The following GRM7 variants were observed in gnomAD, a reference collection of about 807,000 sequenced individuals.
GRM7 encodes the protein glutamate metabotropic receptor 7, also known as metabotropic glutamate receptor 7.
A neutral mutation model predicts 84.5 loss-of-function variants in GRM7; 35 were observed. The observed-to-expected ratio is 0.41, with a 90% CI of 0.32 to 0.55. The LOEUF (loss-of-function observed/expected upper bound fraction) is 0.55. Ranked by LOEUF, GRM7 falls within the 20% of genes least tolerant of loss-of-function variation. The probability of loss-of-function intolerance (pLI) is 0.19; values close to 1 mark genes in which losing one functional copy is unlikely to be tolerated. For missense variants in GRM7, 1,003 were observed against 1,194.6 expected, an observed-to-expected ratio of 0.84 and a Z score of 2.36; for synonymous variants, 487 against 455.1, an observed-to-expected ratio of 1.07 and a Z score of -0.89.
At chr3:7,095,388 T>C (rs1323613541) in intron 1 of GRM7, among the ~76,000 whole-genome samples, 1 of 152,128 alleles carries the variant, frequency 6.6e-6, no homozygotes, top group Non-Finnish European at 1.5e-5. Flanking sequence ...CAGTGAGCAA[T>C]TCATCACTTA....
At chr3:7,156,575 G>A (rs1398525895) in intron 2 of GRM7, among the ~76,000 whole-genome samples, 6 of 152,052 alleles carry the variant, frequency 3.9e-5, no homozygotes, top group South Asian at 2.1e-4. Context: ...CAGGGAGAAC[G>A]CATCCCCATA....
chr3:7,135,053 C>A (rs950594930), intron 1 of GRM7, among the ~76,000 whole-genome samples: 1 of 152,058 alleles, frequency 6.6e-6, no homozygotes, highest in Non-Finnish European at 1.5e-5. Flanking sequence ...AAAAGAGTTG[C>A]AATAATTGAT....
At chr3:7,135,629 T>A (rs1370111437) in intron 1 of GRM7, among the ~76,000 whole-genome samples, 1 of 152,044 alleles carries the variant, frequency 6.6e-6, no homozygotes, top group Non-Finnish European at 1.5e-5. Context: ...CTGTCCTTGC[T>A]ACAGGCAATG....
chr3:7,661,794 C>CAAAAAAAAAAAAAAAAAA lies in GRM7; in HGVS notation c.2452-18246_2452-18229dup, dbSNP rs71043686. 3.5e-3 allele frequency among the ~76,000 whole-genome samples: 100 copies of CAAAAAAAAAAAAAAAAAA among 28,198 alleles called. 11 individuals carry two copies. Among genetic ancestry groups the CAAAAAAAAAAAAAAAAAA allele is most frequent in the African/African-American group, 0.01 (68 of 6,632 alleles). The allele number at this position is 28,198 out of a possible 152,430, so 18.5% of individuals were successfully genotyped here. On this transcript the variant is annotated intron_variant, in intron 8 of 9. Transcript: ENST00000357716. Reference sequence around the variant, plus strand: ...GGGCCACAGAGCGAGGTCTCCGTCTCAAAAAAAAAAAAAAAAAAAAAAAAA... The same window carrying CAAAAAAAAAAAAAAAAAA: ...GGGCCACAGAGCGAGGTCTCCGTCTCAAAAAAAAAAAAAAAAAAAAAAAAAAAAAAAAAAAAAAAAAAA...
At chr3:7,109,465 C>A (rs761615608) in intron 1 of GRM7, among the ~76,000 whole-genome samples, 5 of 152,140 alleles carry the variant, frequency 3.3e-5, no homozygotes, top group African/African-American at 4.8e-5. Flanking sequence ...TTAGTTAATT[C>A]TCACCATTTT....
intron 5 of GRM7, among the ~76,000 whole-genome samples, 166 bp from the exon 6 acceptor site, chr3:7,452,441 C>T (rs1234826268): frequency 6.6e-6 from 1 of 152,162 alleles, no homozygotes; most frequent in Non-Finnish European, 1.5e-5. Context: ...TGGATACCAA[C>T]TGGCTATCAC....
At chr3:7,173,397 C>T (rs1375919972) in intron 2 of GRM7, among the ~76,000 whole-genome samples, 1 of 152,108 alleles carries the variant, frequency 6.6e-6, no homozygotes, top group Non-Finnish European at 1.5e-5. Flanking sequence ...TCCGGCTCCA[C>T]CCCATCCCTC....
At chr3:7,186,596 C>A (rs913811619) in intron 2 of GRM7, among the ~76,000 whole-genome samples, 8 of 152,116 alleles carry the variant, frequency 5.3e-5, no homozygotes, top group African/African-American at 1.9e-4. Context: ...AACTGATTCC[C>A]TGTTTTTATC....
At chr3:7,414,497 T>C (rs1028635193) in intron 4 of GRM7, among the ~76,000 whole-genome samples, 1 of 152,160 alleles carries the variant, frequency 6.6e-6, no homozygotes, top group African/African-American at 2.4e-5. Flanking sequence ...AGTCACACTG[T>C]CCTAAAGAGG....
chr3:6,982,476 A>G (rs1047379915), intron 1 of GRM7, among the ~76,000 whole-genome samples: 5 of 152,318 alleles, frequency 3.3e-5, no homozygotes, highest in African/African-American at 9.6e-5. Context: ...ATCAATTATG[A>G]GACACATAGG....
chr3:7,692,485 A>G (rs1338058026), intron 9 of GRM7, among the ~76,000 whole-genome samples: 1 of 152,118 alleles, frequency 6.6e-6, no homozygotes, highest in Non-Finnish European at 1.5e-5. Context: ...TTTGGCTTTT[A>G]TTGCACTTAT....
At chr3:7,560,765 C>T (rs998194636) in intron 7 of GRM7, among the ~76,000 whole-genome samples, 14 of 152,066 alleles carry the variant, frequency 9.2e-5, no homozygotes, top group Admixed American at 7.2e-4. Flanking sequence ...ACCTTTGCTA[C>T]TTCTCTCATC....
intron 1 of GRM7, among the ~76,000 whole-genome samples, chr3:7,008,361 T>C (rs1297241595): frequency 6.6e-6 from 1 of 152,208 alleles, no homozygotes; most frequent in African/African-American, 2.4e-5. Context: ...AAGGAAATTA[T>C]TTGGCATTCA....
intron 9 of GRM7, among the ~76,000 whole-genome samples, chr3:7,708,602 T>TGAAGAGCGAGCCTAAACTTTCATTCA (rs1433421660): frequency 2.0e-5 from 3 of 152,156 alleles, no homozygotes; most frequent in Non-Finnish European, 4.4e-5. Context: ...TAATAGGGTT[T>TGAAGAGCGAGCCTAAACTTTCATTCA]GAAGAGCGAG....
At chr3:6,930,677 C>T (rs570502964) in intron 1 of GRM7, among the ~76,000 whole-genome samples, 2 of 152,240 alleles carry the variant, frequency 1.3e-5, no homozygotes, top group Admixed American at 6.5e-5. Flanking sequence ...CTTGCTGGGG[C>T]TCTGTTCTCA....
intron 4 of GRM7, among the ~76,000 whole-genome samples, chr3:7,377,461 CAAT>C (rs554736259): frequency 6.6e-6 from 1 of 152,084 alleles, no homozygotes; most frequent in Non-Finnish European, 1.5e-5. Context: ...CGTCTGGAAT[CAAT>C]AGTGGGTGCT....
intron 2 of GRM7, among the ~76,000 whole-genome samples, chr3:7,215,668 A>AAAT (rs1559506973): frequency 2.0e-5 from 3 of 150,296 alleles, no homozygotes; most frequent in East Asian, 1.9e-4. Context: ...CTGTCTCAAA[A>AAAT]AAATAAATAA....
intron 1 of GRM7, among the ~76,000 whole-genome samples, chr3:6,865,822 C>CTACGG (rs1694920054): frequency 6.6e-6 from 1 of 151,984 alleles, no homozygotes; most frequent in Non-Finnish European, 1.5e-5. Context: ...TGTGGTATTA[C>CTACGG]TACGGTGGTG....
chr3:7,650,818 A>G (rs1469518913), intron 8 of GRM7, among the ~76,000 whole-genome samples: 1 of 152,166 alleles, frequency 6.6e-6, no homozygotes, highest in East Asian at 1.9e-4. Context: ...CCTGGCTCCA[A>G]GAGATTCTCC....
Sources: allele counts gnomAD v4.1 joint callset (sites outside exome capture counted in the v4.1 genomes callset), GRCh38; gene constraint gnomAD v4.1.1; transcripts MANE v1.5; gene names NCBI Gene and HGNC (gene_info 2026-07-23, HGNC 2026-07-21).